ARHGEF28: variants seen among roughly 807,000 people sequenced by gnomAD.
The protein encoded by ARHGEF28 is Rho guanine nucleotide exchange factor 28, also known as 190 kDa guanine nucleotide exchange factor.
In ARHGEF28, 152 loss-of-function variants were observed where a neutral mutation model predicts 206.6. The ratio of observed to expected loss-of-function variants is 0.74; its 90% CI spans 0.64 to 0.84. ARHGEF28 has a LOEUF of 0.84. Among genes scored for constraint, ARHGEF28 ranks in the 40% least tolerant of loss-of-function variants. The pLI is 0.00. For missense variants in ARHGEF28, 2,028 were observed against 2,073.2 expected, an observed-to-expected ratio of 0.98 and a Z score of 0.42; for synonymous variants, 763 against 776.4, an observed-to-expected ratio of 0.98 and a Z score of 0.29.
At chr5:73,653,776 C>T (rs1425144028) in intron 1 of ARHGEF28, among the ~76,000 whole-genome samples, 2 of 152,232 alleles carry the variant, frequency 1.3e-5, no homozygotes, top group African/African-American at 2.4e-5. Flanking sequence ...GCTTCCCCTA[C>T]AGCTCCTTTC....
intron 2 of ARHGEF28, among the ~76,000 whole-genome samples, chr5:73,716,374 GT>G (rs1429994747): frequency 1.3e-5 from 2 of 152,186 alleles, no homozygotes; most frequent in East Asian, 3.8e-4. Context: ...TTAACAGTAG[GT>G]TTCTTCACCT....
intron 2 of ARHGEF28, among the ~76,000 whole-genome samples, chr5:73,694,819 A>C (rs1748083467): frequency 6.6e-6 from 1 of 152,256 alleles, no homozygotes; most frequent in South Asian, 2.1e-4. Flanking sequence ...TATTTTCTCA[A>C]GTCCCCATTT....
intron 4 of ARHGEF28, among the ~76,000 whole-genome samples, chr5:73,759,692 G>A (rs1373559555): frequency 6.6e-6 from 1 of 151,996 alleles, no homozygotes; most frequent in Non-Finnish European, 1.5e-5. Flanking sequence ...TTGATTGTTC[G>A]GTGTTCACTT....
In ARHGEF28 at chr5:73,910,596, G is replaced by A. The variant is rs116781640; in HGVS notation, c.4648-679G>A. ...TCTCTTTATATGATCTGTCTTAAGA[G>A]TTCTATTAGATGTAGCTTTTAGAAG... On this transcript the variant is annotated intron_variant, in intron 34 of 35. Transcript: ENST00000513042. 7.4e-3 allele frequency among the ~76,000 whole-genome samples: 1,124 copies of A among 152,114 alleles called. 13 individuals are homozygous for A. Among genetic ancestry groups the A allele is most frequent in the African/African-American group, 0.025 (1,048 of 41,496 alleles).
At chr5:73,659,524 G>A (rs1016786585) in intron 1 of ARHGEF28, among the ~76,000 whole-genome samples, 100 of 130,268 alleles carry the variant, frequency 7.7e-4, no homozygotes, top group Non-Finnish European at 6.8e-4. Context: ...GCAAGACTCC[G>A]TCTCAAAAAA....
chr5:73,794,896 C>T (rs1037430733), intron 8 of ARHGEF28, among the ~76,000 whole-genome samples: 12 of 152,300 alleles, frequency 7.9e-5, no homozygotes, highest in African/African-American at 1.9e-4. Flanking sequence ...CATGAGCCAC[C>T]GTGCCCAGCC....
chr5:73,723,377 G>A (rs1243949824), intron 2 of ARHGEF28, among the ~76,000 whole-genome samples: 1 of 152,042 alleles, frequency 6.6e-6, no homozygotes, highest in Non-Finnish European at 1.5e-5. Context: ...TAGTAGAGAC[G>A]GGGTTTCACC....
chr5:73,748,276 G>A (rs577549103), intron 2 of ARHGEF28, among the ~76,000 whole-genome samples: 20 of 152,146 alleles, frequency 1.3e-4, no homozygotes, highest in South Asian at 4.1e-4. Flanking sequence ...TATTGATTAC[G>A]TTTATGTGTG....
chr5:73,775,225 C>G (rs1467510169), intron 5 of ARHGEF28, among the ~76,000 whole-genome samples: 1 of 152,182 alleles, frequency 6.6e-6, no homozygotes, highest in East Asian at 1.9e-4. Context: ...AGCTTTGTAT[C>G]TTTTTACTGT....
chr5:73,699,955 T>C (rs1748491567), intron 2 of ARHGEF28, among the ~76,000 whole-genome samples: 1 of 152,256 alleles, frequency 6.6e-6, no homozygotes, highest in African/African-American at 2.4e-5. Flanking sequence ...TTCAAAAGTC[T>C]ATTCTCATCA....
At chr5:73,712,765 T>C (rs549100801) in intron 2 of ARHGEF28, among the ~76,000 whole-genome samples, 1 of 152,340 alleles carries the variant, frequency 6.6e-6, no homozygotes, top group South Asian at 2.1e-4. Context: ...AACAGAATCA[T>C]ATTCCCACTA....
chr5:73,643,814 CAAAA>C (rs10655836), intron 1 of ARHGEF28, among the ~76,000 whole-genome samples: 1 of 123,028 alleles, frequency 8.1e-6, no homozygotes, highest in Non-Finnish European at 1.8e-5. Context: ...GGCCCTGTCT[CAAAA>C]AAAAAAAAAA....
chr5:73,722,227 A>C (rs1349638017), intron 2 of ARHGEF28, among the ~76,000 whole-genome samples: 2 of 152,228 alleles, frequency 1.3e-5, no homozygotes, highest in African/African-American at 4.8e-5. Flanking sequence ...AAAGATAATT[A>C]ATATTCTTGA....
At chr5:73,714,548 G>T (rs1749454892) in intron 2 of ARHGEF28, among the ~76,000 whole-genome samples, 1 of 152,100 alleles carries the variant, frequency 6.6e-6, no homozygotes, top group African/African-American at 2.4e-5. Flanking sequence ...TTATTCTGAG[G>T]ACATCCTGTG....
intron 1 of ARHGEF28, among the ~76,000 whole-genome samples, chr5:73,628,876 A>T (rs1216473190): frequency 6.6e-6 from 1 of 151,574 alleles, no homozygotes; most frequent in African/African-American, 2.4e-5. Flanking sequence ...TTTGTATGAT[A>T]CTCTGCCATT....
chr5:73,645,777 C>CA (rs1467960170), intron 1 of ARHGEF28, among the ~76,000 whole-genome samples: 1 of 149,814 alleles, frequency 6.7e-6, no homozygotes, highest in Non-Finnish European at 1.5e-5. Flanking sequence ...TATTTTCCCA[C>CA]TTTTTTTTTT....
chr5:73,809,204 C>CAAA (rs140757151), intron 9 of ARHGEF28, among the ~76,000 whole-genome samples: 19 of 140,408 alleles, frequency 1.4e-4, no homozygotes, highest in African/African-American at 4.0e-4. Flanking sequence ...GACTCTGTCT[C>CAAA]AAAAAAAAAA....
At chr5:73,838,932 C>G (rs888321200) in intron 10 of ARHGEF28, among the ~76,000 whole-genome samples, 2 of 152,188 alleles carry the variant, frequency 1.3e-5, no homozygotes, top group African/African-American at 4.8e-5. Flanking sequence ...TGTTGTGTCT[C>G]TGTAGTCTCC....
chr5:73,868,293 G>T, intron 20 of ARHGEF28, 66 bp downstream of exon 20: 4 of 1,479,206 alleles, frequency 2.7e-6, no homozygotes, highest in Non-Finnish European at 3.6e-6. Flanking sequence ...GACACTGTCT[G>T]AAGGAAATAA....
Sources: allele counts gnomAD v4.1 joint callset (sites outside exome capture counted in the v4.1 genomes callset), GRCh38; gene constraint gnomAD v4.1.1; transcripts MANE v1.5; gene names NCBI Gene and HGNC (gene_info 2026-07-23, HGNC 2026-07-21).